The following SDAD1 variants were observed in gnomAD, a reference collection of about 807,000 sequenced individuals.
The protein encoded by SDAD1 is SDA1 domain containing 1.
SDAD1 carries 79 observed loss-of-function variants against 100.3 expected under a neutral mutation model. The observed-to-expected ratio is 0.79, with a 90% CI of 0.66 to 0.95. The LOEUF (loss-of-function observed/expected upper bound fraction) is 0.95, where lower values mean the gene tolerates loss of function less well. Among genes scored for constraint, SDAD1 ranks in the 40% least tolerant of loss-of-function variants. The pLI, the probability that SDAD1 is intolerant of heterozygous loss-of-function variation, is 0.00. For missense variants in SDAD1, 790 were observed against 810.9 expected (o/e 0.97, Z 0.31); for synonymous variants, 267 against 271.4 (o/e 0.98, Z 0.16).
chr4:75,955,972 C>G lies in SDAD1; in HGVS notation c.2016+3G>C. 1 of 1,593,560 alleles carries G rather than the reference C, an allele frequency of 6.3e-7. No individual in the cohort carries two copies. Among genetic ancestry groups the G allele is most frequent in the Non-Finnish European group, 8.5e-7 (1 of 1,174,680 alleles). ...TGCCACCCAAGCTTCAAGTGGAACT[C>G]ACCTGTTTTTCTCGGAAGGAACGCT... is the stretch of plus-strand genomic sequence containing the variant. On this transcript the variant is annotated splice_donor_region_variant and intron_variant, in intron 21 of 21. Transcript: ENST00000356260.
At chr4:75,968,810 T>A (rs2149318700) in intron 11 of SDAD1, among the ~76,000 whole-genome samples, 1 of 151,994 alleles carries the variant, frequency 6.6e-6, no homozygotes, top group East Asian at 1.9e-4. Context: ...GGTGGTCAGA[T>A]CATGAGGTCA....
intron 14 of SDAD1, among the ~76,000 whole-genome samples, chr4:75,963,435 G>C (rs1050939337): frequency 6.6e-5 from 10 of 151,504 alleles, no homozygotes; most frequent in Non-Finnish European, 1.3e-4. Flanking sequence ...GAAAGCCACT[G>C]GTAGCTTGAT....
chr4:75,957,323 A>T lies in SDAD1; in HGVS notation c.1854+2T>A. On this transcript the variant is annotated splice_donor_variant, in intron 20 of 21. Transcript: ENST00000356260. LOFTEE classifies it high-confidence loss of function. ...AAAACTAGGAATGATATGCTCACTCACCATTGCAGTTGCTAGTCTTGTCTC... is the reference window on the plus strand; with the variant it reads ...AAAACTAGGAATGATATGCTCACTCTCCATTGCAGTTGCTAGTCTTGTCTC... 1 of 1,612,282 alleles carries T rather than the reference A, an allele frequency of 6.2e-7. No individual in the cohort carries two copies.
At chr4:75,951,498 A>G (rs1020131856) in intron 21 of SDAD1, among the ~76,000 whole-genome samples, 1 of 152,162 alleles carries the variant, frequency 6.6e-6, no homozygotes, top group Non-Finnish European at 1.5e-5. Context: ...TTGTTTAATT[A>G]TTTTGTGTTG....
intron 21 of SDAD1, among the ~76,000 whole-genome samples, chr4:75,954,995 C>G (rs1298311591): frequency 1.3e-5 from 2 of 152,178 alleles, no homozygotes; most frequent in African/African-American, 4.8e-5. Flanking sequence ...AACCAGTTGT[C>G]TAGCTTCACG....
Position 75,981,973 on chromosome 4 carries a change from G to A in SDAD1, c.155C>T (p.Pro52Leu), listed in dbSNP as rs1730552655. The A allele has an allele frequency of 6.2e-7, 1 of 1,611,636 alleles. No homozygotes were observed. The highest frequency in any genetic ancestry group is 2.2e-5 in the East Asian group (1 of 44,790). ...VEIFKLQPNKPSKELAELVMF... is the reference protein window; with the variant it reads ...VEIFKLQPNKLSKELAELVMF... ...CACCAGCTCTGCTAGTTCTTTGCTG[G>A]GTTTATTTGGTTGCAATTTGAAAAT... is the stretch of plus-strand genomic sequence containing the variant. Residue 52 changes from proline (P) to leucine (L), a missense_variant, in exon 2 of 22, where the codon CCC (proline) becomes CTC (leucine). Pro to Leu is a moderately conservative substitution (Grantham distance 98). Coordinates refer to ENST00000356260, the MANE Select transcript of SDAD1 (RefSeq NM_018115.4).
intron 1 of SDAD1, among the ~76,000 whole-genome samples, chr4:75,988,882 G>A (rs1731064203): frequency 6.6e-6 from 1 of 152,048 alleles, no homozygotes; most frequent in African/African-American, 2.4e-5. Flanking sequence ...AGAACAGCAC[G>A]AATCTTTGCC....
Position 75,982,017 on chromosome 4 carries a change from G to C in SDAD1, c.111C>G (p.His37Gln). The C allele has an allele frequency of 6.2e-7, 1 of 1,609,670 alleles. No individual in the cohort carries two copies. Among genetic ancestry groups the C allele is most frequent in the Non-Finnish European group, 8.5e-7 (1 of 1,177,540 alleles). Residue 37 changes from histidine (H) to glutamine (Q), a missense_variant, in exon 2 of 22, where the codon CAC becomes CAG. His to Gln is a conservative substitution (Grantham distance 24). Transcript: ENST00000356260. The stretch of plus-strand genomic sequence containing the variant: ...TGAAAATCTCCACATTGGATTTGTA[G>C]TGATTATACTGCTGTAGAAACTGCA... Reference protein sequence around the residue: ...YIEEFLQQYNHYKSNVEIFKL... With the variant: ...YIEEFLQQYNQYKSNVEIFKL...
chr4:75,976,263 CACAA>C (rs1431887292), intron 4 of SDAD1, among the ~76,000 whole-genome samples: 1 of 152,158 alleles, frequency 6.6e-6, no homozygotes, highest in Non-Finnish European at 1.5e-5. Flanking sequence ...TCAGTGTTCA[CACAA>C]ACATTCATAG....
At position 75,977,651 on chromosome 4, in the gene SDAD1, G is replaced by T; in HGVS notation, c.400C>A (p.Arg134=). 6.3e-7 allele frequency: 1 copy of T among 1,597,044 alleles called. No individual in the cohort carries two copies. Among genetic ancestry groups the T allele is most frequent in the Non-Finnish European group, 8.6e-7 (1 of 1,165,812 alleles). Residue 134 remains arginine (R), a synonymous_variant, in exon 4 of 22, where the codon CGA becomes AGA. Coordinates refer to ENST00000356260, the MANE Select transcript of SDAD1 (RefSeq NM_018115.4). The part of the protein sequence containing the change: ...ELFRCHDKLL[R]KTLYTHIVTD... ...ATATTTGTTTTGCCCTTTACCTTTC[G>T]CAGAAGTTTATCATGGCAACGAAAA...
intron 9 of SDAD1, among the ~76,000 whole-genome samples, chr4:75,970,746 C>A (rs1729824297): frequency 2.0e-5 from 3 of 152,154 alleles, no homozygotes; most frequent in African/African-American, 7.2e-5. Flanking sequence ...GGCAGTTTTC[C>A]CCATGCTATT....
At chr4:75,957,803 G>A (rs2242473) in intron 18 of SDAD1, 44 bp downstream of exon 18, 610,386 of 1,610,080 alleles carry the variant, frequency 0.38, 121,197 homozygotes, top group South Asian at 0.44. Context: ...AATAAATTAC[G>A]TCTTAATAAA....
At chr4:75,974,617 G>A (rs186045320) in intron 6 of SDAD1, among the ~76,000 whole-genome samples, 59 of 152,204 alleles carry the variant, frequency 3.9e-4, no homozygotes, top group East Asian at 2.3e-3. Flanking sequence ...GCTGAGGCAC[G>A]AGAACTGCTT....
chr4:75,950,848 T>C, intron 21 of SDAD1, 51 bp from the exon 22 acceptor site: 1 of 1,298,798 alleles, frequency 7.7e-7, no homozygotes, highest in African/African-American at 1.5e-5. Flanking sequence ...TACCCTATTA[T>C]ACGAATTTGG....
At chr4:75,962,062 C>G (rs940032623) in intron 14 of SDAD1, among the ~76,000 whole-genome samples, 1 of 152,174 alleles carries the variant, frequency 6.6e-6, no homozygotes, top group East Asian at 1.9e-4. Context: ...CGCCACCCCA[C>G]GACAGGCCCC....
intron 1 of SDAD1, among the ~76,000 whole-genome samples, chr4:75,986,250 C>T (rs1730885162): frequency 6.6e-6 from 1 of 152,154 alleles, no homozygotes; most frequent in Non-Finnish European, 1.5e-5. Context: ...TCCCAATTAG[C>T]TGGGACTATA....
intron 21 of SDAD1, 85 bp from the exon 22 acceptor site, chr4:75,950,882 G>A: frequency 1.2e-6 from 1 of 803,286 alleles, no homozygotes; most frequent in Non-Finnish European, 2.0e-6. Flanking sequence ...TACTAAAAAG[G>A]AATCACCAAG....
chr4:75,957,072 T>C (rs940996226), intron 20 of SDAD1, among the ~76,000 whole-genome samples: 18 of 152,192 alleles, frequency 1.2e-4, no homozygotes, highest in Non-Finnish European at 2.9e-5. Flanking sequence ...ATTGTGCCAC[T>C]GCACTACAGC....
chr4:75,974,193 A>G (rs1730025453), intron 6 of SDAD1, 60 bp from the exon 7 acceptor site: 2 of 1,284,024 alleles, frequency 1.6e-6, no homozygotes, highest in Non-Finnish European at 2.3e-6. Flanking sequence ...TTCATAGCAC[A>G]GACAATGGCA....
Sources: allele counts gnomAD v4.1 joint callset (sites outside exome capture counted in the v4.1 genomes callset), GRCh38; gene constraint gnomAD v4.1.1; transcripts MANE v1.5; gene names NCBI Gene and HGNC (gene_info 2026-07-23, HGNC 2026-07-21).